The following MTMR10 variants were observed in gnomAD, a reference collection of about 807,000 sequenced individuals.
MTMR10 encodes the protein myotubularin-related protein 10.
A neutral mutation model predicts 88.1 loss-of-function variants in MTMR10; 56 were observed. That is an observed-to-expected ratio of 0.64 (90% CI 0.51 to 0.79). The LOEUF is 0.79. Ranked by LOEUF, MTMR10 falls within the 30% of genes least tolerant of loss-of-function variation. MTMR10 has a pLI of 0.00. For synonymous variants in MTMR10, 380 were observed against 340.9 expected (o/e 1.11, Z -1.26); for missense variants, 883 against 924.7 (o/e 0.95, Z 0.58).
chr15:30,959,227 A>AC, intron 7 of MTMR10, 106 bp from the exon 8 acceptor site: 1 of 1,014,978 alleles, frequency 9.9e-7, no homozygotes. Context: ...TTTAATGTGC[A>AC]CCCCACTTAG....
chr15:30,930,565 G>A, the MTMR10 span: 3 of 1,603,350 alleles, frequency 1.9e-6, no homozygotes, highest in Non-Finnish European at 1.7e-6. Context: ...TGCCTGGGGG[G>A]CCCTGTGCTC....
At position 30,949,443 on chromosome 15, in the gene MTMR10, G is replaced by T. The variant is rs528244251; in HGVS notation, c.1208-972C>A. ...CTGTCTTTGAAGACAATATGATCCT[G>T]TATGTAAAAACTCCTACGGAATCCA... On this transcript the variant is annotated intron_variant, in intron 12 of 15. Coordinates refer to ENST00000435680, the MANE Select transcript of MTMR10 (RefSeq NM_017762.3). 2.0e-5 allele frequency: 3 copies of T among 152,312 alleles called. No individual in the cohort carries two copies. In the South Asian group the frequency reaches 6.2e-4, roughly 32 times the overall value. 9.4% of individuals were successfully genotyped at this position (152,312 alleles called of 1,614,324 possible). A position where few individuals can be genotyped will look rare whatever the true frequency, so the allele number is the denominator to read the frequency against.
chr15:30,938,913 A>G, downstream of MTMR10: 1 of 985,202 alleles, frequency 1.0e-6, no homozygotes, highest in African/African-American at 1.7e-5. Flanking sequence ...ACTGTGTTCC[A>G]GTAGATGATT....
chr15:30,940,277 C>CTT lies in MTMR10; in HGVS notation c.*1191_*1192dup. On this transcript the variant is annotated 3_prime_UTR_variant, in exon 16 of 16. Transcript: ENST00000435680. The stretch of plus-strand genomic sequence containing the variant: ...GCTCTTGTCACACAGTTTGGAAATA[C>CTT]TTTACTTTAGAGAGATTCAGATCAA... 1 of 477,112 alleles carries CTT rather than the reference C, an allele frequency of 2.1e-6. No homozygotes were observed. The highest frequency in any genetic ancestry group is 2.9e-5 in the African/African-American group (1 of 34,712). The allele number at this position is 477,112 out of a possible 1,614,324, so 29.6% of individuals were successfully genotyped here.
the MTMR10 span, chr15:30,925,020 A>T: frequency 4.2e-6 from 5 of 1,203,300 alleles, no homozygotes; most frequent in Admixed American, 2.3e-5. Context: ...TCATTTGCTA[A>T]TCAGCAAAAT....
the MTMR10 span, chr15:30,925,769 T>C: frequency 6.2e-7 from 1 of 1,613,678 alleles, no homozygotes; most frequent in East Asian, 2.2e-5. Flanking sequence ...CTAATAGATG[T>C]TATTCTGCTG....
chr15:30,939,903 TGG>T lies in MTMR10; in HGVS notation c.*1565_*1566del, dbSNP rs2062980901. On this transcript the variant is annotated 3_prime_UTR_variant, in exon 16 of 16. Coordinates refer to ENST00000435680, the MANE Select transcript of MTMR10 (RefSeq NM_017762.3). Reference sequence around the variant, plus strand: ...CTAGGCAACAAGTTGGCAAAAACCTTGGGTTTACCCATAAAGTGAATTTCTTA... The same window carrying T: ...CTAGGCAACAAGTTGGCAAAAACCTTGTTTACCCATAAAGTGAATTTCTTA... 1.0e-6 allele frequency: 1 copy of T among 985,326 alleles called. No homozygotes were observed. Among genetic ancestry groups the T allele is most frequent in the Admixed American group, 6.1e-5 (1 of 16,266 alleles). The allele number at this position is 985,326 out of a possible 1,614,324, so 61.0% of individuals were successfully genotyped here. A position where few individuals can be genotyped will look rare whatever the true frequency, so the allele number is the denominator to read the frequency against.
Position 30,947,168 on chromosome 15 carries a change from G to A in MTMR10, c.1510C>T (p.Leu504=). The A allele has an allele frequency of 1.2e-6, 2 of 1,613,554 alleles. No homozygotes were observed. Among genetic ancestry groups the A allele is most frequent in the Non-Finnish European group, 1.7e-6 (2 of 1,179,760 alleles). The change falls in exon 14 of 16, where the codon CTG becomes TTG. Residue 504 remains leucine, a synonymous_variant. Transcript: ENST00000435680. ...STRISLFGTF[L]FNSPHQRVKQ... ...ACTCGCTGGTGAGGGGAGTTGAACA[G>A]GAAGGTGCCAAACAGTGAGATCCGG...
chr15:30,964,023 CCAA>C (rs1400842851), intron 6 of MTMR10, among the ~76,000 whole-genome samples: 2 of 150,894 alleles, frequency 1.3e-5, no homozygotes, highest in African/African-American at 4.9e-5. Context: ...AAAAAAAAAC[CCAA>C]CAACGTTAGC....
Position 30,940,863 on chromosome 15 carries a change from A to C in MTMR10, c.*607T>G, listed in dbSNP as rs917884371. ...TATCTGCAGCAAATGCTTTAAAATT[A>C]ACAGTGCATATCATTTTAAAGTTGA... On this transcript the variant is annotated 3_prime_UTR_variant, in exon 16 of 16. Coordinates refer to ENST00000435680, the MANE Select transcript of MTMR10 (RefSeq NM_017762.3). 3 of 991,914 alleles carry C rather than the reference A, an allele frequency of 3.0e-6. No individual in the cohort carries two copies. The African/African-American group carries it at 5.2e-5, about 17-fold the overall frequency. The allele number at this position is 991,914 out of a possible 1,614,324, so 61.4% of individuals were successfully genotyped here. A position where few individuals can be genotyped will look rare whatever the true frequency, so the allele number is the denominator to read the frequency against.
At chr15:30,922,056 T>G in the MTMR10 span, among the ~76,000 whole-genome samples, 2 of 152,202 alleles carry the variant, frequency 1.3e-5, no homozygotes, top group Non-Finnish European at 2.9e-5. Flanking sequence ...AGGGAACTCA[T>G]GCCCACTCCA....
At position 30,940,415 on chromosome 15, in the gene MTMR10, A is replaced by G. The variant is rs76472542; in HGVS notation, c.*1055T>C. Reference sequence around the variant, plus strand: ...GTGTTTTGAGAGAATCCATTTTTTTATTTCTCCTCTATTCCTAAGCATTAG... The same window carrying G: ...GTGTTTTGAGAGAATCCATTTTTTTGTTTCTCCTCTATTCCTAAGCATTAG... On this transcript the variant is annotated 3_prime_UTR_variant, in exon 16 of 16. Coordinates refer to ENST00000435680, the MANE Select transcript of MTMR10 (RefSeq NM_017762.3). 9.9e-5 allele frequency: 98 copies of G among 985,130 alleles called. No homozygotes were observed. The highest frequency in any genetic ancestry group is 1.2e-4 in the Non-Finnish European group (96 of 829,892). The allele number at this position is 985,130 out of a possible 1,614,324, so 61.0% of individuals were successfully genotyped here.
chr15:30,927,082 CAGG>C, the MTMR10 span: 1 of 955,350 alleles, frequency 1.0e-6, no homozygotes, highest in Non-Finnish European at 1.2e-6. Flanking sequence ...GAGGCTGAGA[CAGG>C]AGGATCACTT....
rs1478434048 is a variant in MTMR10, at chr15:30,941,633, T to C, written c.2171A>G (p.His724Arg). The change falls in exon 16 of 16, where the codon CAC (histidine) becomes CGC (arginine). Residue 724 changes from histidine to arginine, a missense_variant. Physicochemically the swap from His to Arg is conservative, Grantham distance 29. Coordinates refer to ENST00000435680, the MANE Select transcript of MTMR10 (RefSeq NM_017762.3). ...SRMYFNASGPHHTDTSGTPEF... is the reference protein window; with the variant it reads ...SRMYFNASGPRHTDTSGTPEF... ...CGGTGTCCCCGAGGTGTCGGTGTGG[T>C]GAGGGCCGCTGGCGTTGAAGTACAT... 7.5e-6 allele frequency: 12 copies of C among 1,607,494 alleles called. No individual in the cohort carries two copies. The highest frequency in any genetic ancestry group is 1.3e-5 in the African/African-American group (1 of 74,816).
chr15:30,940,018 CAGTACATAT>C lies in MTMR10; in HGVS notation c.*1443_*1451del. ...AATAATTCAAAAAGAAACAGCTATT[CAGTACATAT>C]AAAGGTAAAATACAGTTATCTTGAA... On this transcript the variant is annotated 3_prime_UTR_variant, in exon 16 of 16. Coordinates refer to ENST00000435680, the MANE Select transcript of MTMR10 (RefSeq NM_017762.3). 1.0e-6 allele frequency: 1 copy of C among 975,462 alleles called. No homozygotes were observed. The allele number at this position is 975,462 out of a possible 1,614,324, so 60.4% of individuals were successfully genotyped here.
At chr15:30,955,646 AG>A (rs201943698) in intron 9 of MTMR10, among the ~76,000 whole-genome samples, 32 of 151,592 alleles carry the variant, frequency 2.1e-4, no homozygotes, top group Non-Finnish European at 4.0e-4. Context: ...AACACTGCCA[AG>A]GGGGGGGCGG....
chr15:30,945,718 C>T (rs1353339903), intron 14 of MTMR10, among the ~76,000 whole-genome samples: 1 of 152,136 alleles, frequency 6.6e-6, no homozygotes, highest in Non-Finnish European at 1.5e-5. Flanking sequence ...AACAAATGAG[C>T]GTTCCATGCC....
At chr15:30,948,009 A>G (rs899430193) in intron 13 of MTMR10, among the ~76,000 whole-genome samples, 2 of 152,218 alleles carry the variant, frequency 1.3e-5, no homozygotes, top group Non-Finnish European at 1.5e-5. Context: ...TGATTTTTCA[A>G]AATAGCCAAT....
chr15:30,964,921 A>G (rs1489679153), intron 6 of MTMR10, among the ~76,000 whole-genome samples: 2 of 152,248 alleles, frequency 1.3e-5, no homozygotes, highest in African/African-American at 4.8e-5. Flanking sequence ...AACAGAAAAT[A>G]CAAGTCATCA....
Sources: gnomAD v4.1 joint callset for allele counts (sites outside exome capture counted in the v4.1 genomes callset) on GRCh38, gnomAD v4.1.1 for gene constraint, MANE v1.5 for transcripts, NCBI Gene and HGNC (gene_info 2026-07-23, HGNC 2026-07-21) for gene names.